Variants in DNAH9 observed in about 807,000 individuals in gnomAD.
DNAH9 encodes the protein dynein axonemal heavy chain 9.
In DNAH9, 345 loss-of-function variants were observed where a neutral mutation model predicts 471.6. The ratio of observed to expected loss-of-function variants is 0.73; its 90% CI spans 0.67 to 0.80. The LOEUF is 0.80. DNAH9 is among the 30% of genes least tolerant of loss of function. DNAH9 has a pLI of 0.00. For synonymous variants in DNAH9, 2,093 were observed against 2,123.6 expected (o/e 0.99, Z 0.40); for missense variants, 5,407 against 5,609.2 (o/e 0.96, Z 1.15).
intron 51 of DNAH9, among the ~76,000 whole-genome samples, chr17:11,870,483 C>G (rs1327112073): frequency 6.6e-6 from 1 of 152,178 alleles, no homozygotes. Flanking sequence ...ATCTGGGGAA[C>G]AGTGAGTCAT....
At chr17:11,907,718 T>C (rs1973655893) in intron 61 of DNAH9, among the ~76,000 whole-genome samples, 1 of 152,114 alleles carries the variant, frequency 6.6e-6, no homozygotes, top group Non-Finnish European at 1.5e-5. Flanking sequence ...GAGATAAAGC[T>C]AACTAGGCCC....
In DNAH9 at chr17:11,623,803, G is replaced by T. The variant is rs556593498; in HGVS notation, c.1350+4022G>T. On this transcript the variant is annotated intron_variant, in intron 6 of 68. Coordinates refer to ENST00000262442, the MANE Select transcript of DNAH9 (RefSeq NM_001372.4). The surrounding 1 kb of genome is among the most constrained non-coding windows in gnomAD (Gnocchi z 4.1). ...GAAACACCAATGTGTTTATCTCTCT[G>T]CATGCTCTCGTCACGGGTTAGAGTG... Among the ~76,000 whole-genome samples the T allele has an allele frequency of 6.6e-6, 1 of 152,222 alleles. No homozygotes were observed. The highest frequency in any genetic ancestry group is 2.1e-4 in the South Asian group (1 of 4,812).
At chr17:11,824,657 G>A (rs1478871750) in intron 48 of DNAH9, among the ~76,000 whole-genome samples, 1 of 152,142 alleles carries the variant, frequency 6.6e-6, no homozygotes, top group East Asian at 1.9e-4. Context: ...TCTTAGGCTT[G>A]CAATAAAGAC....
chr17:11,728,563 A>G (rs1347485325), intron 28 of DNAH9, among the ~76,000 whole-genome samples: 1 of 151,694 alleles, frequency 6.6e-6, no homozygotes, highest in Non-Finnish European at 1.5e-5. Flanking sequence ...AGCTCTTGAG[A>G]TAGACGTGAG....
At chr17:11,743,298 G>A (rs1045883117) in intron 30 of DNAH9, among the ~76,000 whole-genome samples, 23 of 152,100 alleles carry the variant, frequency 1.5e-4, no homozygotes, top group African/African-American at 5.1e-4. Context: ...TCTATGTTCT[G>A]GATATTTCTC....
chr17:11,804,733 G>C (rs958855860), intron 43 of DNAH9, among the ~76,000 whole-genome samples: 1 of 152,070 alleles, frequency 6.6e-6, no homozygotes, highest in Admixed American at 6.6e-5. Flanking sequence ...AATTAGCCGA[G>C]CGTGGTGGCA....
intron 28 of DNAH9, among the ~76,000 whole-genome samples, chr17:11,729,755 T>C (rs1266823029): frequency 1.3e-5 from 2 of 152,206 alleles, no homozygotes; most frequent in African/African-American, 4.8e-5. Context: ...CCCTCTGCCC[T>C]GGCAGGAGCC....
intron 20 of DNAH9, among the ~76,000 whole-genome samples, chr17:11,691,080 C>T (rs2074326202): frequency 6.6e-6 from 1 of 152,158 alleles, no homozygotes; most frequent in African/African-American, 2.4e-5. Context: ...TTCAGTACAG[C>T]AAGTTCTTTG....
At chr17:11,739,760 C>G (rs186242110) in intron 29 of DNAH9, among the ~76,000 whole-genome samples, 1 of 152,292 alleles carries the variant, frequency 6.6e-6, no homozygotes, top group East Asian at 1.9e-4. Context: ...ATCGAAGTAG[C>G]TGGAGGCTGC....
intron 49 of DNAH9, among the ~76,000 whole-genome samples, chr17:11,840,060 T>C (rs1231623307): frequency 6.6e-6 from 1 of 152,226 alleles, no homozygotes; most frequent in African/African-American, 2.4e-5. Flanking sequence ...ATCCCTCTTT[T>C]GGGTATATAC....
chr17:11,898,294 T>G (rs1392721455), intron 59 of DNAH9, among the ~76,000 whole-genome samples: 1 of 152,058 alleles, frequency 6.6e-6, no homozygotes, highest in African/African-American at 2.4e-5. Context: ...CCAGAAAATT[T>G]TTGTATTTTT....
At chr17:11,731,521 G>T (rs2075270091) in intron 28 of DNAH9, among the ~76,000 whole-genome samples, 1 of 150,642 alleles carries the variant, frequency 6.6e-6, no homozygotes, top group South Asian at 2.1e-4. Flanking sequence ...TTTACATTAG[G>T]TATATCTCCT....
intron 50 of DNAH9, among the ~76,000 whole-genome samples, chr17:11,868,682 T>TA (rs1018668369): frequency 1.3e-5 from 2 of 152,072 alleles, no homozygotes; most frequent in Non-Finnish European, 2.9e-5. Context: ...TTTTTCATGC[T>TA]AACCCCAGTT....
At chr17:11,930,251 CA>C (rs1365662305) in intron 63 of DNAH9, among the ~76,000 whole-genome samples, 158 bp downstream of exon 63, 3 of 152,162 alleles carry the variant, frequency 2.0e-5, no homozygotes, top group Non-Finnish European at 4.4e-5. Flanking sequence ...GATGCCCACT[CA>C]GGGCAACCCC....
intron 24 of DNAH9, among the ~76,000 whole-genome samples, chr17:11,703,735 G>C (rs2074644524): frequency 6.6e-6 from 1 of 152,184 alleles, no homozygotes; most frequent in Non-Finnish European, 1.5e-5. Flanking sequence ...TGTAGTGAAA[G>C]TATGGTAGAA....
intron 39 of DNAH9, 61 bp downstream of exon 39, chr17:11,781,235 G>C (rs1393103500): frequency 2.6e-6 from 4 of 1,543,730 alleles, no homozygotes; most frequent in East Asian, 4.6e-5. Flanking sequence ...AGGGCTGAAG[G>C]CCAGTCTCTA....
chr17:11,947,875 G>A (rs943015202), intron 67 of DNAH9, among the ~76,000 whole-genome samples: 3 of 143,482 alleles, frequency 2.1e-5, no homozygotes, highest in South Asian at 2.3e-4. Context: ...TCTGTCTCCC[G>A]GGTTCAAGCG....
chr17:11,656,308 TC>T (rs1262457406), intron 14 of DNAH9, among the ~76,000 whole-genome samples: 1 of 152,248 alleles, frequency 6.6e-6, no homozygotes, highest in African/African-American at 2.4e-5. Context: ...ATTTCCCTGA[TC>T]ATTAGTGATG....
At chr17:11,635,444 G>T (rs2073144973) in intron 8 of DNAH9, among the ~76,000 whole-genome samples, 1 of 148,842 alleles carries the variant, frequency 6.7e-6, no homozygotes, top group Non-Finnish European at 1.5e-5. Flanking sequence ...TCCTTCCAAA[G>T]TACTGGGATT....
Sources: allele counts gnomAD v4.1 joint callset (sites outside exome capture counted in the v4.1 genomes callset), GRCh38; gene constraint gnomAD v4.1.1; non-coding constraint Gnocchi (gnomAD v3.1); transcripts MANE v1.5; gene names NCBI Gene and HGNC (gene_info 2026-07-23, HGNC 2026-07-21).